Variants in DLGAP2 observed in about 807,000 individuals in gnomAD.
The protein encoded by DLGAP2 is disks large-associated protein 2.
A neutral mutation model predicts 100.3 loss-of-function variants in DLGAP2; 26 were observed. The ratio of observed to expected loss-of-function variants is 0.26; its 90% CI spans 0.19 to 0.36. The LOEUF is 0.36. Ranked by LOEUF, DLGAP2 falls within the 10% of genes least tolerant of loss-of-function variation. The probability of loss-of-function intolerance (pLI) is 1.00; values close to 1 mark genes in which losing one functional copy is unlikely to be tolerated. For missense variants in DLGAP2, 1,858 were observed against 1,453.2 expected (o/e 1.28, Z -4.53); for synonymous variants, 886 against 630.1 (o/e 1.41, Z -6.08).
At chr8:1,316,625 G>A (rs1324762103) in intron 3 of DLGAP2, among the ~76,000 whole-genome samples, 9 of 143,426 alleles carry the variant, frequency 6.3e-5, no homozygotes, top group South Asian at 2.3e-4. Flanking sequence ...GAGCGTGTGC[G>A]AGTGCAGCGT....
intron 2 of DLGAP2, among the ~76,000 whole-genome samples, chr8:1,148,934 C>G (rs1278185631): frequency 6.6e-6 from 1 of 152,114 alleles, no homozygotes; most frequent in Non-Finnish European, 1.5e-5. Context: ...ATCAATAATT[C>G]AGTATTAATC....
intron 3 of DLGAP2, among the ~76,000 whole-genome samples, chr8:1,279,143 G>A (rs904215320): frequency 6.6e-6 from 1 of 152,226 alleles, no homozygotes; most frequent in Non-Finnish European, 1.5e-5. Context: ...AGAGGTGTCA[G>A]TAGTGTGCTT....
intron 2 of DLGAP2, among the ~76,000 whole-genome samples, chr8:1,244,418 T>C (rs113869371): frequency 6.6e-6 from 1 of 152,176 alleles, no homozygotes; most frequent in Non-Finnish European, 1.5e-5. Context: ...AGGCAAAATA[T>C]TGTGTTATAA....
chr8:1,188,181 G>A (rs1445225273), intron 2 of DLGAP2, among the ~76,000 whole-genome samples: 22 of 119,998 alleles, frequency 1.8e-4, no homozygotes, highest in African/African-American at 2.1e-4. Context: ...AATCTCACAC[G>A]CCCGGGACCT....
At chr8:1,571,888 G>A (rs368347418) in intron 6 of DLGAP2, among the ~76,000 whole-genome samples, 27 of 117,530 alleles carry the variant, frequency 2.3e-4, no homozygotes, top group East Asian at 1.6e-3. Flanking sequence ...CTGTGGGGGC[G>A]TCTAATGAGA....
chr8:1,504,461 C>A (rs1007440806), intron 4 of DLGAP2, among the ~76,000 whole-genome samples: 12 of 152,142 alleles, frequency 7.9e-5, no homozygotes, highest in African/African-American at 2.9e-4. Flanking sequence ...AACCATTTAA[C>A]TGTGGCCACC....
chr8:1,255,915 C>T (rs1423105624), intron 2 of DLGAP2, among the ~76,000 whole-genome samples: 1 of 99,914 alleles, frequency 1.0e-5, no homozygotes, highest in Non-Finnish European at 1.9e-5. Flanking sequence ...TTCTCCTGCC[C>T]AGGTGCTGTG....
At chr8:1,471,956 C>T (rs898316389) in intron 3 of DLGAP2, among the ~76,000 whole-genome samples, 2 of 152,214 alleles carry the variant, frequency 1.3e-5, no homozygotes, top group African/African-American at 2.4e-5. Context: ...ATCATTAAAT[C>T]GTTCTTTAAT....
chr8:867,104 A>G (rs1036069824), intron 1 of DLGAP2, among the ~76,000 whole-genome samples: 4 of 152,206 alleles, frequency 2.6e-5, no homozygotes, highest in Non-Finnish European at 4.4e-5. Flanking sequence ...TGTGCCGCCT[A>G]CCGGCCGTCA....
At chr8:1,472,284 G>A (rs750525503) in intron 3 of DLGAP2, among the ~76,000 whole-genome samples, 23 of 152,224 alleles carry the variant, frequency 1.5e-4, no homozygotes, top group Non-Finnish European at 2.6e-4. Context: ...ATGCAGGGCC[G>A]GAGCAGGAGA....
Position 766,099 on chromosome 8 carries a change from G to A in DLGAP2, c.18+28274G>A, listed in dbSNP as rs148276653. On this transcript the variant is annotated intron_variant, in intron 1 of 14. Coordinates refer to ENST00000637795, the MANE Select transcript of DLGAP2 (RefSeq NM_001346810.2). ...GGAGAATTGCTTGAACCCGGGAAGC[G>A]GAGGTTGTAGTGAGTCGAGATTGTG... 6.9e-3 allele frequency among the ~76,000 whole-genome samples: 1,047 copies of A among 152,240 alleles called. 6 individuals are homozygous for A. The highest frequency in any genetic ancestry group is 0.024 in the African/African-American group (986 of 41,542).
At chr8:1,347,201 A>T (rs1397935386) in intron 3 of DLGAP2, among the ~76,000 whole-genome samples, 2 of 150,858 alleles carry the variant, frequency 1.3e-5, no homozygotes, top group Non-Finnish European at 2.9e-5. Flanking sequence ...GGCTGTGTGG[A>T]GGTAGAGTTC....
chr8:1,199,383 A>G (rs1797820628), intron 2 of DLGAP2, among the ~76,000 whole-genome samples: 1 of 152,184 alleles, frequency 6.6e-6, no homozygotes, highest in Non-Finnish European at 1.5e-5. Context: ...TAGTAGAAAA[A>G]TAGATTCCAG....
chr8:1,573,918 G>C (rs923762421), intron 6 of DLGAP2, among the ~76,000 whole-genome samples: 10 of 152,156 alleles, frequency 6.6e-5, no homozygotes. Flanking sequence ...ACTTCAGTGA[G>C]TAGTCATAAG....
chr8:1,682,256 G>T (rs1224829923), intron 12 of DLGAP2, among the ~76,000 whole-genome samples: 1 of 152,198 alleles, frequency 6.6e-6, no homozygotes, highest in Admixed American at 6.5e-5. Context: ...ATAAGTGGCA[G>T]GAGCTGTAAG....
At chr8:1,439,534 T>C (rs548998604) in intron 3 of DLGAP2, among the ~76,000 whole-genome samples, 6 of 152,194 alleles carry the variant, frequency 3.9e-5, no homozygotes, top group Non-Finnish European at 8.8e-5. Context: ...GTTGCTGAGC[T>C]GAGATCCTAA....
intron 1 of DLGAP2, among the ~76,000 whole-genome samples, chr8:816,063 A>G (rs1387957499): frequency 6.6e-6 from 1 of 152,136 alleles, no homozygotes. Context: ...TGCATGGAGT[A>G]TTTCTTCCAC....
At chr8:1,280,211 A>T (rs1433324420) in intron 3 of DLGAP2, among the ~76,000 whole-genome samples, 1 of 152,056 alleles carries the variant, frequency 6.6e-6, no homozygotes, top group Non-Finnish European at 1.5e-5. Flanking sequence ...TTTCTTCTTC[A>T]TCAGCCAATT....
At chr8:1,458,235 A>T (rs1447147507) in intron 3 of DLGAP2, among the ~76,000 whole-genome samples, 1 of 151,782 alleles carries the variant, frequency 6.6e-6, no homozygotes, top group Non-Finnish European at 1.5e-5. Context: ...AAGATCTTCT[A>T]TGTTGCCTTC....
Sources: gnomAD v4.1 joint callset for allele counts (sites outside exome capture counted in the v4.1 genomes callset) on GRCh38, gnomAD v4.1.1 for gene constraint, MANE v1.5 for transcripts, NCBI Gene and HGNC (gene_info 2026-07-23, HGNC 2026-07-21) for gene names.